The following ANKH variants were observed in gnomAD, a reference collection of about 807,000 sequenced individuals.
ANKH encodes the protein mineralization regulator ANKH.
ANKH carries 15 observed loss-of-function variants against 49.0 expected under a neutral mutation model. The ratio of observed to expected loss-of-function variants is 0.31; its 90% CI spans 0.20 to 0.47. The LOEUF is 0.47. Among genes scored for constraint, ANKH ranks in the 20% least tolerant of loss-of-function variants. The probability of loss-of-function intolerance (pLI) is 1.00; values close to 1 mark genes in which losing one functional copy is unlikely to be tolerated. For synonymous variants in ANKH, 273 were observed against 260.0 expected (o/e 1.05, Z -0.48); for missense variants, 429 against 652.0 (o/e 0.66, Z 3.72).
At position 14,713,816 on chromosome 5, in the gene ANKH, C is replaced by T. The variant is rs1223960820; in HGVS notation, c.1142-149G>A. On this transcript the variant is annotated intron_variant, in intron 9 of 11. Transcript: ENST00000284268. The surrounding 1 kb of genome is among the most constrained non-coding windows in gnomAD (Gnocchi z 4.4). ...GCCGCTGGCCACCTCATCTTCCTGCCAGGGTTCCCCATCCCTGCTCCTGAG... is the reference window on the plus strand; with the variant it reads ...GCCGCTGGCCACCTCATCTTCCTGCTAGGGTTCCCCATCCCTGCTCCTGAG... The T allele has an allele frequency of 2.6e-6, 3 of 1,157,290 alleles. No homozygotes were observed. The highest frequency in any genetic ancestry group is 3.8e-6 in the Non-Finnish European group (3 of 787,206). 71.7% of individuals were successfully genotyped at this position (1,157,290 alleles called of 1,614,324 possible).
intron 8 of ANKH, among the ~76,000 whole-genome samples, chr5:14,736,355 T>C (rs1456167299): frequency 6.6e-6 from 1 of 152,222 alleles, no homozygotes; most frequent in Admixed American, 6.5e-5. Context: ...ACCTGCCATC[T>C]TGAAACAGGT....
chr5:14,714,098 G>A (rs189202219), intron 9 of ANKH, among the ~76,000 whole-genome samples: 55 of 152,376 alleles, frequency 3.6e-4, no homozygotes, highest in African/African-American at 1.2e-3. Flanking sequence ...CCCTGCCTGC[G>A]GTCAGAGGTG....
intron 1 of ANKH, among the ~76,000 whole-genome samples, chr5:14,844,844 A>G (rs529508591): frequency 6.6e-6 from 1 of 152,296 alleles, no homozygotes; most frequent in East Asian, 1.9e-4. Context: ...GTGCATAACA[A>G]GCTCATTGTC....
rs1280407349 is a variant in ANKH at position 14,751,278 on chromosome 5, A to G, written c.517-39T>C. 1.9e-6 allele frequency: 3 copies of G among 1,606,698 alleles called. No individual in the cohort carries two copies. In the African/African-American group the frequency reaches 4.0e-5, roughly 21 times the overall value. ...GAACGGGAACAGGTCAGAGGGGAGA[A>G]GCGGGAACCGACTGACAGAAGCACA... On this transcript the variant is annotated intron_variant, in intron 4 of 11. Transcript: ENST00000284268.
intron 2 of ANKH, among the ~76,000 whole-genome samples, chr5:14,765,047 G>A (rs1232153447): frequency 6.6e-6 from 1 of 152,228 alleles, no homozygotes; most frequent in African/African-American, 2.4e-5. Context: ...TGCAAGGTCA[G>A]CACGCTTTCC....
At chr5:14,763,656 T>G (rs1300107665) in intron 2 of ANKH, among the ~76,000 whole-genome samples, 2 of 152,232 alleles carry the variant, frequency 1.3e-5, no homozygotes, top group South Asian at 2.1e-4. Context: ...GCATCAAGAC[T>G]TGGTGGAGTG....
chr5:14,865,293 AAAT>A (rs1450160752), intron 1 of ANKH, among the ~76,000 whole-genome samples: 1 of 152,120 alleles, frequency 6.6e-6, no homozygotes, highest in Non-Finnish European at 1.5e-5. Context: ...AAATTAAATA[AAAT>A]AATAAATTGG....
chr5:14,714,136 G>A (rs990340498), intron 9 of ANKH, among the ~76,000 whole-genome samples: 1 of 152,254 alleles, frequency 6.6e-6, no homozygotes, highest in Admixed American at 6.5e-5. Context: ...GGTAGGAGGA[G>A]GAAGCTGCTC....
chr5:14,866,291 C>T (rs1268465757), intron 1 of ANKH, among the ~76,000 whole-genome samples: 1 of 152,208 alleles, frequency 6.6e-6, no homozygotes, highest in Non-Finnish European at 1.5e-5. Context: ...CAGGCGTGAG[C>T]CACCGCGCCT....
chr5:14,838,117 G>A (rs1741709305), intron 1 of ANKH, among the ~76,000 whole-genome samples: 1 of 152,122 alleles, frequency 6.6e-6, no homozygotes, highest in African/African-American at 2.4e-5. Context: ...CTGACGTGGG[G>A]TGGGGGAAGG....
At chr5:14,762,615 T>C (rs1481236180) in intron 2 of ANKH, among the ~76,000 whole-genome samples, 2 of 152,174 alleles carry the variant, frequency 1.3e-5, no homozygotes, top group South Asian at 2.1e-4. Flanking sequence ...ATTATAGCTA[T>C]AGAGGTTAAT....
At chr5:14,727,887 A>T (rs1163095762) in intron 8 of ANKH, among the ~76,000 whole-genome samples, 8 of 152,126 alleles carry the variant, frequency 5.3e-5, no homozygotes, top group African/African-American at 1.7e-4. Context: ...AAAAATCTTA[A>T]AAACATTTGG....
intron 1 of ANKH, among the ~76,000 whole-genome samples, chr5:14,771,947 AC>A (rs1236377898): frequency 5.5e-4 from 70 of 127,336 alleles, no homozygotes; most frequent in African/African-American, 9.1e-4. Context: ...AAAAAAAAAA[AC>A]CAAAACAAAA....
At chr5:14,780,102 G>A (rs1257222336) in intron 1 of ANKH, among the ~76,000 whole-genome samples, 2 of 148,812 alleles carry the variant, frequency 1.3e-5, no homozygotes, top group East Asian at 2.0e-4. Flanking sequence ...TGAGTGTGCC[G>A]CTGACAGAGA....
At chr5:14,788,914 T>C (rs1473441311) in intron 1 of ANKH, among the ~76,000 whole-genome samples, 1 of 152,116 alleles carries the variant, frequency 6.6e-6, no homozygotes, top group Admixed American at 6.6e-5. Flanking sequence ...GCCACTTGGA[T>C]TCTTTGGACA....
intron 1 of ANKH, among the ~76,000 whole-genome samples, chr5:14,834,563 A>G (rs1221998546): frequency 6.6e-6 from 1 of 152,108 alleles, no homozygotes; most frequent in East Asian, 1.9e-4. Flanking sequence ...GGCAGATCAC[A>G]TGAAGCCAGG....
chr5:14,792,975 C>CATATATATATATAAAAAT lies in ANKH; in HGVS notation c.97-23802_97-23785dup, dbSNP rs1561057582. Among the ~76,000 whole-genome samples the CATATATATATATAAAAAT allele has an allele frequency of 1.8e-4, 19 of 102,748 alleles. 1 individual carries two copies. The highest frequency in any genetic ancestry group is 8.8e-4 in the East Asian group (3 of 3,408). The allele number at this position is 102,748 out of a possible 152,430, so 67.4% of individuals were successfully genotyped here. A position where few individuals can be genotyped will look rare whatever the true frequency, so the allele number is the denominator to read the frequency against. ...CTGGGCAACAAGAGAGAAACTCCAT[C>CATATATATATATAAAAAT]ATATATATATATAAAAATATATATA... On this transcript the variant is annotated intron_variant, in intron 1 of 11. Transcript: ENST00000284268.
At chr5:14,755,048 C>T (rs1036482127) in intron 4 of ANKH, among the ~76,000 whole-genome samples, 3 of 128,546 alleles carry the variant, frequency 2.3e-5, no homozygotes, top group Non-Finnish European at 4.6e-5. Context: ...TCGACAAGAG[C>T]GAAACTCTGT....
Position 14,871,345 on chromosome 5 carries a change from G to T in ANKH, c.96+7C>A. On this transcript the variant is annotated splice_region_variant and intron_variant, in intron 1 of 11. Transcript: ENST00000284268. ...GAGCGGGCGTGGGGCGCGGGGCCGGGGCTTACCTGCTCCCCGAAGTCGATG... is the reference window on the plus strand; with the variant it reads ...GAGCGGGCGTGGGGCGCGGGGCCGGTGCTTACCTGCTCCCCGAAGTCGATG... 1 of 1,610,016 alleles carries T rather than the reference G, an allele frequency of 6.2e-7. No homozygotes were observed. The highest frequency in any genetic ancestry group is 8.5e-7 in the Non-Finnish European group (1 of 1,177,486).
Sources: gnomAD v4.1 joint callset for allele counts (sites outside exome capture counted in the v4.1 genomes callset) on GRCh38, gnomAD v4.1.1 for gene constraint, Gnocchi (gnomAD v3.1) non-coding constraint, MANE v1.5 for transcripts, NCBI Gene and HGNC (gene_info 2026-07-23, HGNC 2026-07-21) for gene names.